STK32C: variants seen among roughly 807,000 people sequenced by gnomAD.
STK32C encodes serine/threonine kinase 32C, also known as serine/threonine-protein kinase 32C.
STK32C carries 31 observed loss-of-function variants against 56.5 expected under a neutral mutation model. The ratio of observed to expected loss-of-function variants is 0.55; its 90% CI spans 0.41 to 0.74. The LOEUF is 0.74. Ranked by LOEUF, STK32C falls within the 30% of genes least tolerant of loss-of-function variation. The pLI is 0.00. For synonymous variants in STK32C, 309 were observed against 289.4 expected (o/e 1.07, Z -0.69); for missense variants, 544 against 676.9 (o/e 0.80, Z 2.18).
In STK32C at chr10:132,270,417, T is replaced by C. The variant is rs138482633; in HGVS notation, c.263-24462A>G. On this transcript the variant is annotated intron_variant, in intron 1 of 11. Coordinates refer to ENST00000298630, the MANE Select transcript of STK32C (RefSeq NM_173575.4). ...TTGCAGATGCAGGGGTCATGAGCCA[T>C]GGCTGCAGGGGAGTGACCTCTGGAA... Among the ~76,000 whole-genome samples, 669 of 152,320 alleles carry C rather than the reference T, an allele frequency of 4.4e-3. 11 individuals are homozygous for C. Among genetic ancestry groups the C allele is most frequent in the African/African-American group, 0.015 (629 of 41,576 alleles).
rs35749266 is a variant in STK32C, at chr10:132,260,070, G to GAA, written c.263-14117_263-14116dup. On this transcript the variant is annotated intron_variant, in intron 1 of 11. Coordinates refer to ENST00000298630, the MANE Select transcript of STK32C (RefSeq NM_173575.4). ...GCACGCTGTGTAAAGTCTGGTTCAG[G>GAA]AAAAAAAAAAATCCAAGCTAAACCC... 7.7e-3 allele frequency among the ~76,000 whole-genome samples: 1,149 copies of GAA among 149,274 alleles called. 23 individuals are homozygous for GAA. The highest frequency in any genetic ancestry group is 0.026 in the African/African-American group (1,066 of 40,712).
rs76224666 is a variant in STK32C, at chr10:132,231,577, C to T, written c.319-3449G>A. ...CGATCCCTCACAGCAGGCCCGAGTG[C>T]GTCCCCAAAAGACACAGCCACCAGG... On this transcript the variant is annotated intron_variant, in intron 2 of 11. Transcript: ENST00000298630. Among the ~76,000 whole-genome samples the T allele has an allele frequency of 9.0e-3, 1,374 of 152,320 alleles. 24 individuals are homozygous for T. The highest frequency in any genetic ancestry group is 0.031 in the African/African-American group (1,280 of 41,558).
chr10:132,249,136 G>C (rs939203009), intron 1 of STK32C: 3 of 445,532 alleles, frequency 6.7e-6, no homozygotes, highest in South Asian at 1.6e-5. Flanking sequence ...TGTGGCGTCA[G>C]GGCGTGCAGG....
intron 1 of STK32C, among the ~76,000 whole-genome samples, chr10:132,266,985 G>A (rs560860684): frequency 2.0e-5 from 3 of 152,330 alleles, no homozygotes; most frequent in South Asian, 4.1e-4. Flanking sequence ...AACAACCACC[G>A]TGAGTGTTGG....
At chr10:132,285,430 T>G (rs1470783554) in intron 1 of STK32C, among the ~76,000 whole-genome samples, 2 of 152,252 alleles carry the variant, frequency 1.3e-5, no homozygotes, top group Non-Finnish European at 2.9e-5. Flanking sequence ...GACTGTATTT[T>G]TAAAAGCAAG....
exon 1 of STK32C, chr10:132,331,769 G>A (rs376695835): frequency 5.6e-6 from 9 of 1,609,422 alleles, no homozygotes; most frequent in Non-Finnish European, 7.6e-6. Flanking sequence ...GTGCCAGGCC[G>A]GTCGCCCCTC....
intron 2 of STK32C, among the ~76,000 whole-genome samples, chr10:132,238,450 G>A (rs1371668380): frequency 1.3e-5 from 2 of 152,224 alleles, no homozygotes; most frequent in Non-Finnish European, 2.9e-5. Context: ...AACACGGGCA[G>A]AGCCTTAGTG....
At chr10:132,307,972 A>T (rs1490674151), upstream of STK32C, 25 of 909,094 alleles carry the variant, frequency 2.7e-5, no homozygotes, top group Non-Finnish European at 3.1e-5. This position sits in a 1 kb window ranked among gnomAD's most constrained non-coding sequence, Gnocchi z 4.4. Context: ...CCCGCCCCGT[A>T]GATTGCGAGC....
At chr10:132,215,002 T>C (rs1019310574) in intron 10 of STK32C, among the ~76,000 whole-genome samples, 4 of 152,212 alleles carry the variant, frequency 2.6e-5, no homozygotes, top group Admixed American at 1.3e-4. Flanking sequence ...GTAGATATCA[T>C]ATTGAACTAT....
At chr10:132,218,477 T>C (rs947636773) in intron 10 of STK32C, among the ~76,000 whole-genome samples, 2 of 152,096 alleles carry the variant, frequency 1.3e-5, no homozygotes, top group African/African-American at 2.4e-5. Flanking sequence ...ATCAGAGAAA[T>C]GCAAACCATA....
At chr10:132,239,688 G>A (rs904610594) in intron 2 of STK32C, among the ~76,000 whole-genome samples, 2 of 152,366 alleles carry the variant, frequency 1.3e-5, no homozygotes, top group Admixed American at 6.5e-5. Context: ...CCGGGAGCCC[G>A]GCAGCAGGCC....
intron 2 of STK32C, among the ~76,000 whole-genome samples, chr10:132,241,710 G>A (rs915025711): frequency 2.6e-5 from 4 of 152,192 alleles, no homozygotes; most frequent in Non-Finnish European, 4.4e-5. Context: ...ACTGGTCAGC[G>A]AACCCTTCAT....
intron 1 of STK32C, among the ~76,000 whole-genome samples, chr10:132,247,872 G>A (rs1434452083): frequency 6.6e-6 from 1 of 152,162 alleles, no homozygotes; most frequent in African/African-American, 2.4e-5. Context: ...CAAGTTGACG[G>A]AGGGGGTGGG....
downstream of STK32C, chr10:132,323,924 C>G (rs1564804850): frequency 3.8e-6 from 1 of 260,928 alleles, no homozygotes; most frequent in Non-Finnish European, 7.4e-6. The surrounding 1 kb of genome is among the most constrained non-coding windows in gnomAD (Gnocchi z 4.8). Flanking sequence ...GGGGTGGCCT[C>G]ATGTTATAAT....
intron 1 of STK32C, among the ~76,000 whole-genome samples, chr10:132,282,075 C>A (rs904792646): frequency 2.0e-5 from 3 of 152,228 alleles, no homozygotes; most frequent in Non-Finnish European, 4.4e-5. Flanking sequence ...GCAGCCCAGC[C>A]GCTCCGGGGG....
chr10:132,230,403 G>A (rs2063050453), intron 2 of STK32C, among the ~76,000 whole-genome samples: 2 of 152,186 alleles, frequency 1.3e-5, no homozygotes, highest in African/African-American at 4.8e-5. Context: ...CGGGATGGAA[G>A]CCCCAGCCTC....
At chr10:132,306,385 G>A (rs1296381780) in intron 1 of STK32C, among the ~76,000 whole-genome samples, 1 of 152,238 alleles carries the variant, frequency 6.6e-6, no homozygotes, top group Non-Finnish European at 1.5e-5. Flanking sequence ...ACCATCGTGA[G>A]TTCTGCTGTC....
At chr10:132,331,936 A>ACCC (rs66639442), upstream of STK32C, 2 of 365,634 alleles carry the variant, frequency 5.5e-6, no homozygotes, top group Non-Finnish European at 4.6e-6. Context: ...CGCAAGCGCA[A>ACCC]CCCCCCGCCC....
intron 1 of STK32C, among the ~76,000 whole-genome samples, chr10:132,296,364 CAG>C: frequency 2.0e-5 from 3 of 152,098 alleles, no homozygotes; most frequent in Admixed American, 2.0e-4. Flanking sequence ...GTGTGGACTT[CAG>C]TTCACAACGA....
Sources: allele counts gnomAD v4.1 joint callset (sites outside exome capture counted in the v4.1 genomes callset), GRCh38; gene constraint gnomAD v4.1.1; non-coding constraint Gnocchi (gnomAD v3.1); transcripts MANE v1.5; gene names NCBI Gene and HGNC (gene_info 2026-07-23, HGNC 2026-07-21).